The following MAGI2 variants were observed in gnomAD, a reference collection of about 807,000 sequenced individuals.
MAGI2 encodes membrane-associated guanylate kinase, WW and PDZ domain-containing protein 2.
MAGI2 carries 35 observed loss-of-function variants against 133.3 expected under a neutral mutation model. That is an observed-to-expected ratio of 0.26 (90% CI 0.20 to 0.35). The LOEUF (loss-of-function observed/expected upper bound fraction) is 0.35, where lower values mean the gene tolerates loss of function less well. MAGI2 is among the 10% of genes least tolerant of loss of function. The probability of loss-of-function intolerance (pLI) is 1.00; values close to 1 mark genes in which losing one functional copy is unlikely to be tolerated. For synonymous variants in MAGI2, 729 were observed against 710.6 expected (o/e 1.03, Z -0.41); for missense variants, 1,636 against 1,863.4 (o/e 0.88, Z 2.25).
chr7:79,147,572 G>A (rs1312488089), intron 1 of MAGI2, among the ~76,000 whole-genome samples: 1 of 152,198 alleles, frequency 6.6e-6, no homozygotes, highest in Non-Finnish European at 1.5e-5. Flanking sequence ...AACAAAAGAT[G>A]TCAGTGAACC....
chr7:78,913,796 G>A (rs1265109422), intron 2 of MAGI2, among the ~76,000 whole-genome samples: 1 of 152,128 alleles, frequency 6.6e-6, no homozygotes, highest in Non-Finnish European at 1.5e-5. Context: ...TTTATAAGTA[G>A]ACAAAGGACA....
At position 78,194,878 on chromosome 7, in the gene MAGI2, A is replaced by G; in HGVS notation, c.2265T>C (p.Ser755=). 5.0e-6 allele frequency: 8 copies of G among 1,600,730 alleles called. No individual in the cohort carries two copies. The highest frequency in any genetic ancestry group is 6.8e-6 in the Non-Finnish European group (8 of 1,174,982). ...LYEKSRAIYE[S]RQQVPPRTSF... is the part of the protein sequence containing the mutation. ...TTTCATGTGGCTTTCACTTACGCCT[A>G]CTTTCATAAATGGCCCTAGATTTCT... is the stretch of plus-strand genomic sequence containing the variant. The change falls in exon 12 of 22, where the codon AGT becomes AGC. Residue 755 remains serine, a synonymous_variant. Transcript: ENST00000354212.
At chr7:78,940,278 T>C (rs1332928779) in intron 2 of MAGI2, among the ~76,000 whole-genome samples, 1 of 152,178 alleles carries the variant, frequency 6.6e-6, no homozygotes, top group Non-Finnish European at 1.5e-5. Context: ...CTTGTTATGG[T>C]TGACATTGGA....
intron 6 of MAGI2, among the ~76,000 whole-genome samples, chr7:78,469,539 T>A (rs1406818228): frequency 6.6e-6 from 1 of 152,200 alleles, no homozygotes; most frequent in Non-Finnish European, 1.5e-5. Flanking sequence ...CTTTTCTCTC[T>A]TTGGGATTAG....
chr7:78,060,193 A>G (rs1813074858), intron 21 of MAGI2, among the ~76,000 whole-genome samples: 1 of 151,918 alleles, frequency 6.6e-6, no homozygotes. Flanking sequence ...ACAGAGATAC[A>G]TTACATGAGA....
chr7:78,236,878 T>C (rs12666027), intron 10 of MAGI2, among the ~76,000 whole-genome samples: 44,462 of 152,012 alleles, frequency 0.29, 7,572 homozygotes, highest in Non-Finnish European at 0.37. Context: ...ACAATCATGG[T>C]GGAAGGAGAA....
intron 2 of MAGI2, among the ~76,000 whole-genome samples, chr7:78,666,496 G>C (rs887694089): frequency 8.5e-5 from 13 of 152,110 alleles, no homozygotes; most frequent in Admixed American, 7.2e-4. Context: ...TAGAGAACAA[G>C]TCTCAGCTAG....
intron 2 of MAGI2, among the ~76,000 whole-genome samples, chr7:78,655,129 A>T (rs1022973023): frequency 2.0e-5 from 3 of 152,000 alleles, no homozygotes; most frequent in Non-Finnish European, 4.4e-5. Context: ...GCCCACAAAA[A>T]TTAAAAATTT....
At chr7:78,789,418 A>G (rs747474582) in intron 2 of MAGI2, among the ~76,000 whole-genome samples, 2 of 152,348 alleles carry the variant, frequency 1.3e-5, no homozygotes, top group Non-Finnish European at 1.5e-5. Flanking sequence ...AAAGATGTAA[A>G]ATCCACAGAC....
At chr7:78,505,628 T>C (rs940634909) in intron 4 of MAGI2, among the ~76,000 whole-genome samples, 8 of 152,356 alleles carry the variant, frequency 5.3e-5, no homozygotes, top group South Asian at 2.1e-4. Flanking sequence ...ATATTTATTA[T>C]GCACTCAACT....
At chr7:79,414,002 G>A (rs1383708713) in intron 1 of MAGI2, 2 of 152,120 alleles carry the variant, frequency 1.3e-5, no homozygotes, top group Non-Finnish European at 2.9e-5. Flanking sequence ...AATCCTGTGT[G>A]AGAATGCATT....
At chr7:79,152,427 G>T (rs1823341640) in intron 1 of MAGI2, among the ~76,000 whole-genome samples, 1 of 152,114 alleles carries the variant, frequency 6.6e-6, no homozygotes, top group Non-Finnish European at 1.5e-5. Flanking sequence ...ACTTTAAAAA[G>T]TACAAGCTTC....
At chr7:78,234,231 AG>A (rs758884539) in intron 10 of MAGI2, among the ~76,000 whole-genome samples, 5 of 152,200 alleles carry the variant, frequency 3.3e-5, no homozygotes, top group Non-Finnish European at 5.9e-5. Flanking sequence ...CCAGATTTTT[AG>A]TGGAAGTATC....
intron 2 of MAGI2, among the ~76,000 whole-genome samples, chr7:78,949,000 A>C (rs1037707223): frequency 2.6e-5 from 4 of 152,112 alleles, no homozygotes; most frequent in African/African-American, 7.2e-5. Flanking sequence ...GTCACAAAGA[A>C]AGTTCAGAAA....
intron 20 of MAGI2, among the ~76,000 whole-genome samples, chr7:78,113,502 A>G (rs1023629939): frequency 2.0e-5 from 3 of 152,124 alleles, no homozygotes; most frequent in African/African-American, 7.2e-5. Flanking sequence ...TTTTAATATG[A>G]TATTTTTACT....
At position 78,210,047 on chromosome 7, in the gene MAGI2, T is replaced by C. The variant is rs550489446; in HGVS notation, c.2048-8854A>G. Among the ~76,000 whole-genome samples the C allele has an allele frequency of 7.9e-5, 12 of 152,316 alleles. No individual in the cohort carries two copies. In the East Asian group the frequency reaches 1.5e-3, roughly 20 times the overall value. On this transcript the variant is annotated intron_variant, in intron 10 of 21. Transcript: ENST00000354212. ...TTCATTGTTAATCAAGTTTCCTTATTATAGTTTTTCATTGTATCCTGCATT... is the reference window on the plus strand; with the variant it reads ...TTCATTGTTAATCAAGTTTCCTTATCATAGTTTTTCATTGTATCCTGCATT...
At chr7:78,021,616 G>A (rs914075546) in intron 21 of MAGI2, among the ~76,000 whole-genome samples, 2 of 152,324 alleles carry the variant, frequency 1.3e-5, no homozygotes, top group Admixed American at 1.3e-4. Context: ...CTTTAGAATG[G>A]CAAATCAAAA....
intron 1 of MAGI2, among the ~76,000 whole-genome samples, chr7:79,188,417 G>T (rs1827355338): frequency 6.6e-6 from 1 of 151,754 alleles, no homozygotes; most frequent in Non-Finnish European, 1.5e-5. Flanking sequence ...GAGGATAATG[G>T]TTTCCAGCTC....
rs139931771 is a variant in MAGI2 at position 78,194,309 on chromosome 7, A to G, written c.2269+565T>C. 3.3e-3 allele frequency among the ~76,000 whole-genome samples: 504 copies of G among 152,340 alleles called. 3 individuals carry two copies. Among genetic ancestry groups the G allele is most frequent in the African/African-American group, 0.011 (474 of 41,580 alleles). ...AGATAGGGTGACAAGTGCATACACG[A>G]TATTTTAAGACTGAATGTTCAAATG... On this transcript the variant is annotated intron_variant, in intron 12 of 21. Transcript: ENST00000354212.
Sources: gnomAD v4.1 joint callset for allele counts (sites outside exome capture counted in the v4.1 genomes callset) on GRCh38, gnomAD v4.1.1 for gene constraint, MANE v1.5 for transcripts, NCBI Gene and HGNC (gene_info 2026-07-23, HGNC 2026-07-21) for gene names.